Variants in PIP4K2A observed in about 807,000 individuals in gnomAD.
PIP4K2A encodes phosphatidylinositol-5-phosphate 4-kinase type 2 alpha.
In PIP4K2A, 14 loss-of-function variants were observed where a neutral mutation model predicts 42.9. The observed-to-expected ratio is 0.33, with a 90% CI of 0.22 to 0.51. The LOEUF is 0.51. Among genes scored for constraint, PIP4K2A ranks in the 20% least tolerant of loss-of-function variants. PIP4K2A has a pLI of 0.97. For synonymous variants in PIP4K2A, 192 were observed against 192.2 expected (o/e 1.00, Z 0.01); for missense variants, 434 against 519.8 (o/e 0.83, Z 1.61).
In PIP4K2A at chr10:22,692,604, G is replaced by A. The variant is rs143368367; in HGVS notation, c.144+21579C>T. ...GCACTTGGTGTCTCTTTTCCTAGAC[G>A]TTGTCTTTTCTGCTCTGTAGCTTAG... On this transcript the variant is annotated intron_variant, in intron 1 of 9. Coordinates refer to ENST00000376573, the MANE Select transcript of PIP4K2A (RefSeq NM_005028.5). 1.7e-3 allele frequency among the ~76,000 whole-genome samples: 256 copies of A among 152,266 alleles called. 2 individuals carry two copies. Among genetic ancestry groups the A allele is most frequent in the African/African-American group, 5.8e-3 (243 of 41,544 alleles).
chr10:22,673,707 G>C (rs1027805539), intron 1 of PIP4K2A, among the ~76,000 whole-genome samples: 1 of 152,136 alleles, frequency 6.6e-6, no homozygotes, highest in Middle Eastern at 3.2e-3. Flanking sequence ...ATAATAGGAA[G>C]ATAGAAAGCA....
intron 1 of PIP4K2A, among the ~76,000 whole-genome samples, chr10:22,639,359 T>TAAAA (rs35329002): frequency 5.2e-5 from 7 of 135,724 alleles, no homozygotes; most frequent in South Asian, 2.3e-4. Flanking sequence ...CAAAAGAAGC[T>TAAAA]AAAAAAAAAA....
intron 1 of PIP4K2A, among the ~76,000 whole-genome samples, chr10:22,629,950 C>T (rs764707618): frequency 3.9e-5 from 6 of 152,024 alleles, no homozygotes; most frequent in East Asian, 3.8e-4. Flanking sequence ...CAAAAGGAAG[C>T]GGTATTAGAT....
At chr10:22,556,756 T>A (rs1276758015) in intron 6 of PIP4K2A, among the ~76,000 whole-genome samples, 1 of 152,226 alleles carries the variant, frequency 6.6e-6, no homozygotes, top group Admixed American at 6.5e-5. Flanking sequence ...CTGGGAACAT[T>A]TAACTTGCTA....
At chr10:22,713,998 C>T (rs1833963034) in intron 1 of PIP4K2A, 185 bp downstream of exon 1, 2 of 553,074 alleles carry the variant, frequency 3.6e-6, no homozygotes, top group South Asian at 4.4e-5. Flanking sequence ...AGTGGTGGTG[C>T]CTGGGCGGCC....
At chr10:22,565,688 TA>T (rs1836829839) in intron 6 of PIP4K2A, among the ~76,000 whole-genome samples, 1 of 152,322 alleles carries the variant, frequency 6.6e-6, no homozygotes, top group African/African-American at 2.4e-5. Context: ...GAGATAACCT[TA>T]AACTCTGACC....
intron 1 of PIP4K2A, among the ~76,000 whole-genome samples, chr10:22,704,447 C>G (rs1330347208): frequency 1.3e-5 from 2 of 151,972 alleles, no homozygotes; most frequent in Admixed American, 1.3e-4. Context: ...TACGGTGTCT[C>G]TATAGAAATA....
At chr10:22,685,577 G>C (rs962195422) in intron 1 of PIP4K2A, among the ~76,000 whole-genome samples, 1 of 152,076 alleles carries the variant, frequency 6.6e-6, no homozygotes, top group South Asian at 2.1e-4. Context: ...CGCTGGGCAT[G>C]GTGGCATGTG....
At chr10:22,639,779 T>C (rs1246408061) in intron 1 of PIP4K2A, among the ~76,000 whole-genome samples, 1 of 152,102 alleles carries the variant, frequency 6.6e-6, no homozygotes, top group Non-Finnish European at 1.5e-5. Flanking sequence ...ATGAACACCA[T>C]CAAAACTAAA....
chr10:22,714,484 G>T lies in PIP4K2A; in HGVS notation c.-158C>A. 4.5e-6 allele frequency: 1 copy of T among 221,636 alleles called. No homozygotes were observed. Among genetic ancestry groups the T allele is most frequent in the South Asian group, 1.6e-4 (1 of 6,448 alleles). The allele number at this position is 221,636 out of a possible 1,614,324, so 13.7% of individuals were successfully genotyped here. A position where few individuals can be genotyped will look rare whatever the true frequency, so the allele number is the denominator to read the frequency against. Reference sequence around the variant, plus strand: ...GCCGCCGGCGCGCTCAGCCCCACTCGGCTCGCTCCGCCCGCTCGGCCCGGC... The same window carrying T: ...GCCGCCGGCGCGCTCAGCCCCACTCTGCTCGCTCCGCCCGCTCGGCCCGGC... On this transcript the variant is annotated 5_prime_UTR_variant, in exon 1 of 10. Coordinates refer to ENST00000376573, the MANE Select transcript of PIP4K2A (RefSeq NM_005028.5).
chr10:22,647,543 C>T (rs971257736), intron 1 of PIP4K2A, among the ~76,000 whole-genome samples: 1 of 152,110 alleles, frequency 6.6e-6, no homozygotes, highest in Non-Finnish European at 1.5e-5. Context: ...GAGATCTACA[C>T]AACATGGACA....
chr10:22,689,639 G>C (rs1310804151), intron 1 of PIP4K2A, among the ~76,000 whole-genome samples: 1 of 152,036 alleles, frequency 6.6e-6, no homozygotes, highest in African/African-American at 2.4e-5. Context: ...TATGGGGAGT[G>C]GTCCTGAAAC....
At chr10:22,537,981 C>T in intron 9 of PIP4K2A, among the ~76,000 whole-genome samples, 1 of 152,216 alleles carries the variant, frequency 6.6e-6, no homozygotes, top group South Asian at 2.1e-4. Context: ...AGCCTGGCCC[C>T]CTGCAGAAGC....
At chr10:22,583,414 A>T (rs946437818) in intron 4 of PIP4K2A, among the ~76,000 whole-genome samples, 1 of 152,150 alleles carries the variant, frequency 6.6e-6, no homozygotes, top group Admixed American at 6.5e-5. Context: ...GGGGGAGCTG[A>T]TCATTTGGGC....
chr10:22,598,291 G>C (rs1421271200), intron 3 of PIP4K2A, among the ~76,000 whole-genome samples: 1 of 152,130 alleles, frequency 6.6e-6, no homozygotes, highest in African/African-American at 2.4e-5. Flanking sequence ...TGAGGAGTTC[G>C]AGGCTGCAGC....
chr10:22,624,494 C>T (rs1376005392), intron 1 of PIP4K2A, among the ~76,000 whole-genome samples: 2 of 152,130 alleles, frequency 1.3e-5, no homozygotes, highest in Admixed American at 6.5e-5. Context: ...CGGGTATTTG[C>T]TAACTTATTT....
At chr10:22,685,410 AAGG>A (rs1285045452) in intron 1 of PIP4K2A, among the ~76,000 whole-genome samples, 1 of 152,112 alleles carries the variant, frequency 6.6e-6, no homozygotes, top group African/African-American at 2.4e-5. Context: ...AGAAAGTGAA[AAGG>A]GTTGGGCACA....
intron 9 of PIP4K2A, among the ~76,000 whole-genome samples, chr10:22,537,741 C>T (rs1835974194): frequency 6.6e-6 from 1 of 152,208 alleles, no homozygotes; most frequent in South Asian, 2.1e-4. Context: ...TTCTTCAGGA[C>T]CCCTTCGTTT....
chr10:22,579,476 C>T (rs1370201756), intron 4 of PIP4K2A, among the ~76,000 whole-genome samples: 1 of 152,204 alleles, frequency 6.6e-6, no homozygotes, highest in Non-Finnish European at 1.5e-5. Context: ...ACGTGCACAA[C>T]AATTAGAGGA....
Sources: allele counts gnomAD v4.1 joint callset (sites outside exome capture counted in the v4.1 genomes callset), GRCh38; gene constraint gnomAD v4.1.1; transcripts MANE v1.5; gene names NCBI Gene and HGNC (gene_info 2026-07-23, HGNC 2026-07-21).